MALL: variants seen among roughly 807,000 people sequenced by gnomAD.
MALL encodes mal, T cell differentiation protein like, also known as MAL-like protein.
A neutral mutation model predicts 10.3 loss-of-function variants in MALL; 2 were observed. The ratio of observed to expected loss-of-function variants is 0.19; its 90% CI spans 0.08 to 0.61. MALL has a LOEUF of 0.61. Among genes scored for constraint, MALL ranks in the 20% least tolerant of loss-of-function variants. MALL has a pLI of 0.88. For missense variants in MALL, 39 were observed against 115.2 expected (o/e 0.34, Z 3.03); for synonymous variants, 27 against 51.8 (o/e 0.52, Z 2.05).
At chr2:110,114,800 GA>G (rs1678873945) in intron 1 of MALL, among the ~76,000 whole-genome samples, 2 of 151,974 alleles carry the variant, frequency 1.3e-5, no homozygotes, top group South Asian at 4.2e-4. Context: ...GGGCAGGTAA[GA>G]AAATACCACC....
intron 1 of MALL, among the ~76,000 whole-genome samples, chr2:110,108,515 G>A (rs946751867): frequency 6.6e-6 from 1 of 151,802 alleles, no homozygotes; most frequent in African/African-American, 2.4e-5. Context: ...GAAAATATGA[G>A]CAAAGCCTCC....
In MALL at chr2:110,100,569, T is replaced by C. The variant is rs2104384859; in HGVS notation, c.106-8799A>G. ...AAATACTGTTTCCTGGATCTTTTGTTTCACTTACACACACACCCACACCCG... is the reference window on the plus strand; with the variant it reads ...AAATACTGTTTCCTGGATCTTTTGTCTCACTTACACACACACCCACACCCG... On this transcript the variant is annotated intron_variant, in intron 1 of 3. Coordinates refer to ENST00000272462, the MANE Select transcript of MALL (RefSeq NM_005434.5). 1.3e-5 allele frequency among the ~76,000 whole-genome samples: 2 copies of C among 152,260 alleles called. 1 individual carries two copies. Among genetic ancestry groups the C allele is most frequent in the Admixed American group, 1.3e-4 (2 of 15,294 alleles).
At chr2:110,097,303 G>C (rs62160527) in intron 1 of MALL, among the ~76,000 whole-genome samples, 3,647 of 152,084 alleles carry the variant, frequency 0.024, 66 homozygotes, top group Non-Finnish European at 0.035. Flanking sequence ...TCAGTGCCTT[G>C]GTCTCGGGGA....
At chr2:110,116,026 G>C (rs1247201288), upstream of MALL, 7 of 385,506 alleles carry the variant, frequency 1.8e-5, no homozygotes. Context: ...GCAGGAGGGA[G>C]CAGAGCGGGA....
At chr2:110,094,972 G>A (rs1187576426) in intron 1 of MALL, among the ~76,000 whole-genome samples, 1 of 123,464 alleles carries the variant, frequency 8.1e-6, no homozygotes, top group Non-Finnish European at 1.7e-5. Flanking sequence ...AAACGTCATG[G>A]GAACCTTCCT....
chr2:110,112,143 T>C (rs1678815593), intron 1 of MALL, among the ~76,000 whole-genome samples: 3 of 152,134 alleles, frequency 2.0e-5, no homozygotes, highest in Admixed American at 2.0e-4. Context: ...GAAGATAACA[T>C]TGGCAAAACC....
intron 1 of MALL, among the ~76,000 whole-genome samples, chr2:110,108,573 G>A (rs116540681): frequency 0.065 from 9,904 of 152,056 alleles, 413 homozygotes; most frequent in African/African-American, 0.12. Flanking sequence ...AATAACTGGC[G>A]TACCTGAGGA....
At chr2:110,114,531 C>T (rs1678868531) in intron 1 of MALL, among the ~76,000 whole-genome samples, 1 of 151,712 alleles carries the variant, frequency 6.6e-6, no homozygotes, top group African/African-American at 2.4e-5. Context: ...GGCAGGATGC[C>T]CACGCTGTGC....
rs1678471681 is a variant in MALL, at chr2:110,097,559, T to G, written c.106-5789A>C. ...AGAGGGGCTGCTGCAGGGGCCGGGA[T>G]CACACACTGAGGTTCTGAGACAGAC... On this transcript the variant is annotated intron_variant, in intron 1 of 3. Transcript: ENST00000272462. The G allele has an allele frequency of 6.6e-6, 3 of 456,294 alleles. No homozygotes were observed. In the Admixed American group the frequency reaches 7.1e-5, roughly 11 times the overall value. The allele number at this position is 456,294 out of a possible 1,614,324, so 28.3% of individuals were successfully genotyped here.
intron 1 of MALL, among the ~76,000 whole-genome samples, chr2:110,110,637 A>G (rs979039622): frequency 6.6e-6 from 1 of 152,180 alleles, no homozygotes; most frequent in Non-Finnish European, 1.5e-5. Context: ...TCTACCAGAC[A>G]TTCAAAGAAG....
intron 1 of MALL, among the ~76,000 whole-genome samples, chr2:110,113,648 G>A (rs1306302188): frequency 6.6e-6 from 1 of 151,978 alleles, no homozygotes; most frequent in Non-Finnish European, 1.5e-5. Flanking sequence ...GTCAAGATAA[G>A]GACCCAGATT....
chr2:110,111,691 T>C (rs1188748553), intron 1 of MALL, among the ~76,000 whole-genome samples: 1 of 151,616 alleles, frequency 6.6e-6, no homozygotes, highest in African/African-American at 2.4e-5. Context: ...GCAATCCCCA[T>C]CAGAATACCA....
intron 1 of MALL, among the ~76,000 whole-genome samples, chr2:110,114,080 C>CGAGA (rs1182628716): frequency 6.6e-6 from 1 of 152,072 alleles, no homozygotes; most frequent in Non-Finnish European, 1.5e-5. Context: ...CCAACATGAC[C>CGAGA]TCTCATGTTT....
intron 1 of MALL, among the ~76,000 whole-genome samples, chr2:110,096,810 C>G (rs1049817513): frequency 2.0e-5 from 3 of 151,994 alleles, no homozygotes; most frequent in African/African-American, 7.3e-5. Flanking sequence ...CAGTTGAAGT[C>G]CATTGCCACC....
chr2:110,103,440 C>T (rs538446397), intron 1 of MALL, among the ~76,000 whole-genome samples: 11 of 152,186 alleles, frequency 7.2e-5, no homozygotes, highest in Non-Finnish European at 1.0e-4. Context: ...TCAGGGTGCT[C>T]GAGCTCCTCC....
chr2:110,092,700 TATA>T (rs3976232), intron 1 of MALL, among the ~76,000 whole-genome samples: 28,328 of 126,056 alleles, frequency 0.22, 2,256 homozygotes, highest in East Asian at 0.42. Flanking sequence ...AAACTTAAAG[TATA>T]ATAATAATAA....
intron 1 of MALL, among the ~76,000 whole-genome samples, chr2:110,111,366 CAA>C (rs1299949458): frequency 1.3e-5 from 2 of 152,098 alleles, no homozygotes; most frequent in Non-Finnish European, 2.9e-5. Context: ...AAGAATTCAG[CAA>C]AAGTTTCTGG....
At chr2:110,106,951 A>G (rs1678709232) in intron 1 of MALL, among the ~76,000 whole-genome samples, 1 of 152,216 alleles carries the variant, frequency 6.6e-6, no homozygotes, top group African/African-American at 2.4e-5. Context: ...GCTGAGTGGA[A>G]GAAGCCAACC....
intron 1 of MALL, among the ~76,000 whole-genome samples, chr2:110,108,111 T>C (rs1042981397): frequency 6.6e-6 from 1 of 152,094 alleles, no homozygotes; most frequent in Non-Finnish European, 1.5e-5. Flanking sequence ...GCCCTGGTAA[T>C]ATGACGAAAC....
Sources: allele counts gnomAD v4.1 joint callset (sites outside exome capture counted in the v4.1 genomes callset), GRCh38; gene constraint gnomAD v4.1.1; transcripts MANE v1.5; gene names NCBI Gene and HGNC (gene_info 2026-07-23, HGNC 2026-07-21).